RGS6: variants seen among roughly 807,000 people sequenced by gnomAD.
RGS6 encodes regulator of G protein signaling 6, also known as regulator of G-protein signaling 6.
RGS6 carries 30 observed loss-of-function variants against 78.5 expected under a neutral mutation model. The ratio of observed to expected loss-of-function variants is 0.38; its 90% CI spans 0.29 to 0.52. The LOEUF is 0.52. Among genes scored for constraint, RGS6 ranks in the 20% least tolerant of loss-of-function variants. The pLI is 0.85. For missense variants in RGS6, 495 were observed against 609.7 expected, an observed-to-expected ratio of 0.81 and a Z score of 1.98; for synonymous variants, 206 against 206.0, an observed-to-expected ratio of 1.00 and a Z score of 0.00.
intron 2 of RGS6, among the ~76,000 whole-genome samples, chr14:72,192,028 G>T (rs2097332879): frequency 6.6e-6 from 1 of 151,976 alleles, no homozygotes; most frequent in South Asian, 2.1e-4. Flanking sequence ...CATGCACGTG[G>T]GTCATTTTGT....
At chr14:72,456,500 A>C (rs2095634544) in intron 4 of RGS6, among the ~76,000 whole-genome samples, 1 of 152,150 alleles carries the variant, frequency 6.6e-6, no homozygotes, top group Admixed American at 6.6e-5. Context: ...TCACTGTGTT[A>C]TCCAGGCTGG....
chr14:71,918,649 C>T, the RGS6 span, among the ~76,000 whole-genome samples: 1 of 152,314 alleles, frequency 6.6e-6, no homozygotes, highest in African/African-American at 2.4e-5. Context: ...AGCTCTCCTA[C>T]TTTCTCAGCA....
chr14:72,004,532 A>G (rs2084132275), intron 2 of RGS6, among the ~76,000 whole-genome samples: 1 of 152,244 alleles, frequency 6.6e-6, no homozygotes, highest in Non-Finnish European at 1.5e-5. Flanking sequence ...TGGTGAAGGT[A>G]GTGGCAGAAG....
intron 2 of RGS6, among the ~76,000 whole-genome samples, chr14:72,135,151 G>A (rs185436841): frequency 6.6e-6 from 1 of 152,326 alleles, no homozygotes; most frequent in African/African-American, 2.4e-5. Context: ...TAGTGGTTGA[G>A]TTAGTATCTT....
chr14:72,441,617 C>T (rs1286102011), intron 3 of RGS6, among the ~76,000 whole-genome samples: 2 of 152,258 alleles, frequency 1.3e-5, no homozygotes, highest in African/African-American at 4.8e-5. Context: ...TTCCTCCTGT[C>T]ACTGCTGCTG....
At chr14:71,868,837 A>G in the RGS6 span, among the ~76,000 whole-genome samples, 1 of 152,148 alleles carries the variant, frequency 6.6e-6, no homozygotes, top group Admixed American at 6.5e-5. Flanking sequence ...ATGGGGAGCC[A>G]CAACTCTACT....
At chr14:72,542,616 G>A (rs574580159) in intron 17 of RGS6, among the ~76,000 whole-genome samples, 7 of 152,336 alleles carry the variant, frequency 4.6e-5, no homozygotes, top group Non-Finnish European at 8.8e-5. Context: ...GCAGCTCACG[G>A]ACCAAAGACG....
intron 2 of RGS6, among the ~76,000 whole-genome samples, chr14:72,117,661 T>C (rs2095933552): frequency 6.6e-6 from 1 of 152,118 alleles, no homozygotes; most frequent in African/African-American, 2.4e-5. Context: ...AGCCACAACA[T>C]GGGGGACCTT....
At chr14:72,538,154 G>A (rs899707634) in intron 16 of RGS6, among the ~76,000 whole-genome samples, 1 of 152,196 alleles carries the variant, frequency 6.6e-6, no homozygotes, top group South Asian at 2.1e-4. Context: ...GAGTCTCCAG[G>A]TATGGATCTG....
intron 3 of RGS6, among the ~76,000 whole-genome samples, chr14:72,384,845 G>A (rs1463904682): frequency 6.6e-6 from 1 of 152,164 alleles, no homozygotes; most frequent in African/African-American, 2.4e-5. Flanking sequence ...CCGCCTCCCG[G>A]ATTCAAGTAA....
intron 14 of RGS6, 77 bp downstream of exon 14, chr14:72,510,356 T>C: frequency 2.6e-6 from 4 of 1,564,626 alleles, no homozygotes; most frequent in Non-Finnish European, 3.5e-6. Context: ...CATCTCTCTC[T>C]CTCTCAATGA....
intron 14 of RGS6, chr14:72,511,756 C>T (rs1056704636): frequency 3.3e-5 from 5 of 152,168 alleles, no homozygotes; most frequent in South Asian, 2.1e-4. Flanking sequence ...ACGTAGATGC[C>T]GACTAGCTGT....
At chr14:72,608,904 CT>C in the RGS6 span, among the ~76,000 whole-genome samples, 2 of 151,878 alleles carry the variant, frequency 1.3e-5, no homozygotes, top group East Asian at 3.8e-4. Flanking sequence ...CTCTCCCTCT[CT>C]CTCTTTCTCT....
intron 2 of RGS6, among the ~76,000 whole-genome samples, chr14:72,175,371 G>A (rs1033899448): frequency 1.3e-5 from 2 of 152,206 alleles, no homozygotes; most frequent in African/African-American, 4.8e-5. Flanking sequence ...ACGTTTCATA[G>A]CCTGTACCAA....
chr14:72,505,043 T>C (rs914211031), intron 13 of RGS6, among the ~76,000 whole-genome samples: 1 of 149,910 alleles, frequency 6.7e-6, no homozygotes, highest in African/African-American at 2.5e-5. Context: ...CACAAAGTGC[T>C]GGGATTACAG....
intron 3 of RGS6, among the ~76,000 whole-genome samples, chr14:72,436,655 C>T (rs2094925709): frequency 6.6e-6 from 1 of 152,162 alleles, no homozygotes; most frequent in Non-Finnish European, 1.5e-5. Flanking sequence ...TTCCTCTTAA[C>T]ATAAATGTAT....
chr14:72,598,774 G>A, the RGS6 span, among the ~76,000 whole-genome samples: 1 of 152,218 alleles, frequency 6.6e-6, no homozygotes, highest in African/African-American at 2.4e-5. Flanking sequence ...ATGCCAGCAG[G>A]AGAGCCACCA....
the RGS6 span, chr14:72,629,598 T>G: frequency 6.6e-7 from 1 of 1,523,242 alleles, no homozygotes; most frequent in South Asian, 1.2e-5. Context: ...GATTTCTCCC[T>G]CCCACAGGGA....
intron 3 of RGS6, among the ~76,000 whole-genome samples, chr14:72,431,568 G>A (rs1449384935): frequency 2.0e-5 from 2 of 101,052 alleles, no homozygotes; most frequent in Non-Finnish European, 4.3e-5. Context: ...TATTTTAGTA[G>A]ACACGGGATT....
Sources: gnomAD v4.1 joint callset for allele counts (sites outside exome capture counted in the v4.1 genomes callset) on GRCh38, gnomAD v4.1.1 for gene constraint, MANE v1.5 for transcripts, NCBI Gene and HGNC (gene_info 2026-07-23, HGNC 2026-07-21) for gene names.